Variants in LUC7L2 observed in about 807,000 individuals in gnomAD.
The protein encoded by LUC7L2 is putative RNA-binding protein Luc7-like 2.
In LUC7L2, 25 loss-of-function variants were observed where a neutral mutation model predicts 52.8. The ratio of observed to expected loss-of-function variants is 0.47; its 90% CI spans 0.34 to 0.66. The LOEUF is 0.66. Ranked by LOEUF, LUC7L2 falls within the 30% of genes least tolerant of loss-of-function variation. The pLI, the probability that LUC7L2 is intolerant of heterozygous loss-of-function variation, is 0.01. For missense variants in LUC7L2, 328 were observed against 497.8 expected (o/e 0.66, Z 3.25); for synonymous variants, 144 against 160.9 (o/e 0.89, Z 0.80).
chr7:139,409,538 C>T lies in LUC7L2; in HGVS notation c.688-25C>T, dbSNP rs778666651. On this transcript the variant is annotated intron_variant, in intron 6 of 9. Transcript: ENST00000354926. ...TTTAAGAATGGACTCAGTAAATATTCTCCTCATTTATTACTGTTTTTAAGA... is the reference window on the plus strand; with the variant it reads ...TTTAAGAATGGACTCAGTAAATATTTTCCTCATTTATTACTGTTTTTAAGA... 5 of 1,583,302 alleles carry T rather than the reference C, an allele frequency of 3.2e-6. No homozygotes were observed. In the African/African-American group the frequency reaches 6.8e-5, roughly 21 times the overall value.
rs368817164 is a variant in LUC7L2, at chr7:139,393,938, TATTATA to T, written c.157-4656_157-4651del. Reference sequence around the variant, plus strand: ...ATTCCACATACAAAAAAGCCTTCTTTATTATAATTAGGCCCTTGGTCCTAGGGCTTT... The same window carrying T: ...ATTCCACATACAAAAAAGCCTTCTTTATTAGGCCCTTGGTCCTAGGGCTTT... On this transcript the variant is annotated intron_variant, in intron 2 of 9. Coordinates refer to ENST00000354926, the MANE Select transcript of LUC7L2 (RefSeq NM_016019.5). Among the ~76,000 whole-genome samples, 160 of 152,272 alleles carry T rather than the reference TATTATA, an allele frequency of 1.1e-3. 4 individuals carry two copies. Among genetic ancestry groups the T allele is most frequent in the African/African-American group, 3.6e-3 (151 of 41,544 alleles).
chr7:139,407,922 CAAAA>C, intron 6 of LUC7L2, among the ~76,000 whole-genome samples: 1 of 152,012 alleles, frequency 6.6e-6, no homozygotes, highest in East Asian at 1.9e-4. Context: ...GGGATAAACA[CAAAA>C]AAGCATGGTG....
At chr7:139,383,533 T>G (rs1250526396) in intron 2 of LUC7L2, among the ~76,000 whole-genome samples, 1 of 151,920 alleles carries the variant, frequency 6.6e-6, no homozygotes, top group Non-Finnish European at 1.5e-5. Context: ...TGCCTCAGCC[T>G]CCCGAGTAGC....
At position 139,423,406 on chromosome 7, in the gene LUC7L2, T is replaced by C. The variant is rs571411156; in HGVS notation, c.*1066T>C. 2.2e-4 allele frequency: 88 copies of C among 398,840 alleles called. No homozygotes were observed. The highest frequency in any genetic ancestry group is 3.4e-4 in the Non-Finnish European group (77 of 226,066). 24.7% of individuals were successfully genotyped at this position (398,840 alleles called of 1,614,324 possible). Reference sequence around the variant, plus strand: ...TCGACCTGCAGAAGAAACTGGGGTGTTTTTATTCTCATTCAACAAACCCAA... The same window carrying C: ...TCGACCTGCAGAAGAAACTGGGGTGCTTTTATTCTCATTCAACAAACCCAA... On this transcript the variant is annotated 3_prime_UTR_variant, in exon 10 of 10. Transcript: ENST00000354926.
chr7:139,366,205 T>C (rs1800146382), intron 1 of LUC7L2, among the ~76,000 whole-genome samples: 1 of 152,258 alleles, frequency 6.6e-6, no homozygotes, highest in Non-Finnish European at 1.5e-5. Context: ...TTGACCCATA[T>C]GTTCCAGTAT....
At chr7:139,360,820 C>T (rs971000171) in intron 1 of LUC7L2, among the ~76,000 whole-genome samples, 1 of 152,146 alleles carries the variant, frequency 6.6e-6, no homozygotes, top group Non-Finnish European at 1.5e-5. Flanking sequence ...CAGAGATGCA[C>T]CCTCGAGCCC....
At chr7:139,419,260 G>A (rs141805455) in intron 9 of LUC7L2, among the ~76,000 whole-genome samples, 49 of 152,292 alleles carry the variant, frequency 3.2e-4, no homozygotes, top group African/African-American at 1.1e-3. Context: ...TAAATGATCC[G>A]AGAGTTTAGA....
chr7:139,354,631 G>A (rs1799554949), intron 1 of LUC7L2, among the ~76,000 whole-genome samples: 1 of 152,132 alleles, frequency 6.6e-6, no homozygotes, highest in Non-Finnish European at 1.5e-5. Context: ...CAAAGTGCTG[G>A]GATTATAGGC....
chr7:139,374,755 T>G, intron 1 of LUC7L2: 4 of 1,222,346 alleles, frequency 3.3e-6, no homozygotes, highest in Non-Finnish European at 4.1e-6. Flanking sequence ...TTTAACCACG[T>G]TAAAACAATT....
chr7:139,419,710 G>A (rs1465605870), intron 9 of LUC7L2, among the ~76,000 whole-genome samples: 1 of 152,116 alleles, frequency 6.6e-6, no homozygotes, highest in African/African-American at 2.4e-5. Context: ...GATGCTTCCT[G>A]CGTTGATGAA....
chr7:139,376,251 G>T, intron 2 of LUC7L2, 95 bp downstream of exon 2: 2 of 1,268,476 alleles, frequency 1.6e-6, no homozygotes, highest in South Asian at 2.7e-5. Flanking sequence ...GAATTGACTT[G>T]TGAGGGGAGA....
Position 139,407,250 on chromosome 7 carries a change from A to T in LUC7L2, c.587A>T (p.Tyr196Phe). ...CGAGTCTGTGAAGTCTGCTCTGCCT[A>T]TTTAGGACTTCATGATAATGACAGA... ...KLRVCEVCSA[Y>F]LGLHDNDRRL... is the part of the protein sequence containing the mutation. The change falls in exon 6 of 10, where the codon TAT becomes TTT. Residue 196 changes from tyrosine to phenylalanine, a missense_variant. Tyr to Phe is a conservative substitution (Grantham distance 22, BLOSUM62 3). This residue lies in a region of LUC7L2 where 133 missense variants were observed against 274.4 expected (regional missense o/e 0.48). Transcript: ENST00000354926. 5 of 1,612,830 alleles carry T rather than the reference A, an allele frequency of 3.1e-6. No homozygotes were observed. The highest frequency in any genetic ancestry group is 4.2e-6 in the Non-Finnish European group (5 of 1,179,258).
upstream of LUC7L2, among the ~76,000 whole-genome samples, chr7:139,358,716 G>T (rs1384787048): frequency 6.6e-6 from 1 of 151,738 alleles, no homozygotes; most frequent in Non-Finnish European, 1.5e-5. Flanking sequence ...TAGAAGTCTC[G>T]CTCTGTCGCG....
At chr7:139,412,206 A>ATT (rs1795388103) in intron 7 of LUC7L2, among the ~76,000 whole-genome samples, 2 of 151,760 alleles carry the variant, frequency 1.3e-5, no homozygotes, top group Admixed American at 1.3e-4. Flanking sequence ...GGCAACAAAA[A>ATT]ATGTAAAAAT....
At chr7:139,415,383 T>A (rs1191191463) in intron 8 of LUC7L2, among the ~76,000 whole-genome samples, 1 of 151,956 alleles carries the variant, frequency 6.6e-6, no homozygotes, top group Non-Finnish European at 1.5e-5. Context: ...AGTGAATATT[T>A]TTTGGATGAA....
At chr7:139,417,241 A>G (rs900596821) in intron 8 of LUC7L2, 3 of 258,648 alleles carry the variant, frequency 1.2e-5, no homozygotes, top group Non-Finnish European at 7.6e-6. Context: ...GAGTTTCGCC[A>G]TGTTGCCTAG....
rs564827916 is a variant in LUC7L2 at position 139,408,841 on chromosome 7, CAAAAAAA to C, written c.688-711_688-705del. Among the ~76,000 whole-genome samples, 3 of 86,958 alleles carry C rather than the reference CAAAAAAA, an allele frequency of 3.4e-5. No homozygotes were observed. The South Asian group carries it at 1.1e-3, about 32-fold the overall frequency. 57.0% of individuals were successfully genotyped at this position (86,958 alleles called of 152,430 possible). A position where few individuals can be genotyped will look rare whatever the true frequency, so the allele number is the denominator to read the frequency against. ...TGGGCGACAGAGCGAGACTCTGTCTCAAAAAAAAAAAAAAAAAGTCATGGAGCTGGGT... is the reference window on the plus strand; with the variant it reads ...TGGGCGACAGAGCGAGACTCTGTCTCAAAAAAAAAAGTCATGGAGCTGGGT... On this transcript the variant is annotated intron_variant, in intron 6 of 9. Transcript: ENST00000354926.
At chr7:139,371,368 T>G in intron 1 of LUC7L2, 1 of 840,778 alleles carries the variant, frequency 1.2e-6, no homozygotes, top group East Asian at 2.6e-5. Context: ...AATACTAAAC[T>G]CAGTTCACTT....
chr7:139,368,019 T>A (rs1046884710), intron 1 of LUC7L2, among the ~76,000 whole-genome samples: 5 of 152,308 alleles, frequency 3.3e-5, no homozygotes, highest in Admixed American at 6.5e-5. Flanking sequence ...AGCAGTCGAT[T>A]CACGTGAGTC....
Sources: allele counts gnomAD v4.1 joint callset (sites outside exome capture counted in the v4.1 genomes callset), GRCh38; gene constraint gnomAD v4.1.1; regional missense constraint gnomAD v4.1.1; transcripts MANE v1.5; gene names NCBI Gene and HGNC (gene_info 2026-07-23, HGNC 2026-07-21).